Variants in GSK3B observed in about 807,000 individuals in gnomAD.
The protein encoded by GSK3B is glycogen synthase kinase-3 beta.
In GSK3B, 15 loss-of-function variants were observed where a neutral mutation model predicts 56.4. That is an observed-to-expected ratio of 0.27 (90% CI 0.18 to 0.41). The LOEUF (loss-of-function observed/expected upper bound fraction) is 0.41, where lower values mean the gene tolerates loss of function less well. Among genes scored for constraint, GSK3B ranks in the 10% least tolerant of loss-of-function variants. The pLI, the probability that GSK3B is intolerant of heterozygous loss-of-function variation, is 1.00. For missense variants in GSK3B, 300 were observed against 513.4 expected, an observed-to-expected ratio of 0.58 and a Z score of 4.02; for synonymous variants, 181 against 188.9, an observed-to-expected ratio of 0.96 and a Z score of 0.34.
At position 119,945,423 on chromosome 3, in the gene GSK3B, A is replaced by G. The variant is rs73854749; in HGVS notation, c.366+1845T>C. Among the ~76,000 whole-genome samples the G allele has an allele frequency of 6.4e-3, 976 of 152,264 alleles. 12 individuals are homozygous for G. The highest frequency in any genetic ancestry group is 0.02 in the African/African-American group (835 of 41,570). ...TGTTAATGACTTCTAATTGCTCTTTATCTGTAAGAACCTTTAAGATAAGTA... is the reference window on the plus strand; with the variant it reads ...TGTTAATGACTTCTAATTGCTCTTTGTCTGTAAGAACCTTTAAGATAAGTA... On this transcript the variant is annotated intron_variant, in intron 3 of 10. Coordinates refer to ENST00000264235, the MANE Select transcript of GSK3B (RefSeq NM_001146156.2).
chr3:119,929,849 T>A (rs2056925736), intron 3 of GSK3B, among the ~76,000 whole-genome samples: 1 of 149,744 alleles, frequency 6.7e-6, no homozygotes, highest in Admixed American at 6.7e-5. Context: ...TGCTCTGAGC[T>A]GAGATCACGC....
intron 1 of GSK3B, among the ~76,000 whole-genome samples, chr3:120,015,192 T>C (rs1240231144): frequency 6.6e-6 from 1 of 152,200 alleles, no homozygotes; most frequent in African/African-American, 2.4e-5. Context: ...CTCAATAAAT[T>C]ACAGTTTCTT....
intron 1 of GSK3B, among the ~76,000 whole-genome samples, chr3:120,055,843 A>T (rs2058187577): frequency 6.6e-6 from 1 of 152,198 alleles, no homozygotes; most frequent in Non-Finnish European, 1.5e-5. Context: ...TTTCCACTAG[A>T]ATTTATTCGG....
intron 8 of GSK3B, among the ~76,000 whole-genome samples, chr3:119,870,553 G>A (rs2056237917): frequency 6.6e-6 from 1 of 151,960 alleles, no homozygotes; most frequent in South Asian, 2.1e-4. Flanking sequence ...ATTTGGATTA[G>A]CCACCCTAAA....
Position 120,051,636 on chromosome 3 carries a change from G to A in GSK3B, c.88+41711C>T, listed in dbSNP as rs113004753. ...ACAAAAATTAGCCAGGTGTGGTGGTGGGCATCTGTAATCCCAGCTACTCAG... is the reference window on the plus strand; with the variant it reads ...ACAAAAATTAGCCAGGTGTGGTGGTAGGCATCTGTAATCCCAGCTACTCAG... On this transcript the variant is annotated intron_variant, in intron 1 of 10. Coordinates refer to ENST00000264235, the MANE Select transcript of GSK3B (RefSeq NM_001146156.2). Among the ~76,000 whole-genome samples, 686 of 151,966 alleles carry A rather than the reference G, an allele frequency of 4.5e-3. 7 individuals are homozygous for A. Among genetic ancestry groups the A allele is most frequent in the African/African-American group, 0.016 (662 of 41,446 alleles).
intron 1 of GSK3B, among the ~76,000 whole-genome samples, chr3:120,048,763 G>A (rs997101313): frequency 1.3e-5 from 2 of 152,178 alleles, no homozygotes; most frequent in African/African-American, 2.4e-5. Context: ...AACAGCTAAT[G>A]TCATTGGTAA....
chr3:119,953,943 T>C (rs2057184224), intron 2 of GSK3B, among the ~76,000 whole-genome samples: 2 of 152,264 alleles, frequency 1.3e-5, no homozygotes, highest in Middle Eastern at 3.4e-3. Context: ...ATTGATGTTA[T>C]ATAAAAGGAT....
chr3:119,910,938 C>A (rs1344660837), intron 6 of GSK3B, among the ~76,000 whole-genome samples: 1 of 152,186 alleles, frequency 6.6e-6, no homozygotes, highest in African/African-American at 2.4e-5. Flanking sequence ...TCAGTCACAT[C>A]TTCAGGCTCC....
Position 120,030,882 on chromosome 3 carries a change from A to G in GSK3B, c.89-28643T>C, listed in dbSNP as rs530559086. 2.0e-5 allele frequency among the ~76,000 whole-genome samples: 3 copies of G among 152,360 alleles called. No individual in the cohort carries two copies. The South Asian group carries it at 6.2e-4, about 32-fold the overall frequency. Reference sequence around the variant, plus strand: ...CTTCTGTATGAATCAAAAACCAGTGAACAAATGTACTTACAACCACATAGC... The same window carrying G: ...CTTCTGTATGAATCAAAAACCAGTGGACAAATGTACTTACAACCACATAGC... On this transcript the variant is annotated intron_variant, in intron 1 of 10. Transcript: ENST00000264235.
chr3:119,981,432 C>T (rs1207429395), intron 2 of GSK3B, among the ~76,000 whole-genome samples: 1 of 152,230 alleles, frequency 6.6e-6, no homozygotes, highest in East Asian at 1.9e-4. Flanking sequence ...CGGGGGTTTC[C>T]CTTTCCTAGC....
rs1056012842 is a variant in GSK3B, at chr3:120,015,669, A to C, written c.89-13430T>G. On this transcript the variant is annotated intron_variant, in intron 1 of 10. Transcript: ENST00000264235. The stretch of plus-strand genomic sequence containing the variant: ...TGTCTCAAAAAAAAAAAAAAAAAAA[A>C]AAAAAAAAAACTAGACATTATTGGA... Among the ~76,000 whole-genome samples the C allele has an allele frequency of 7.7e-4, 115 of 148,790 alleles. 2 individuals are homozygous for C. Among genetic ancestry groups the C allele is most frequent in the African/African-American group, 2.2e-3 (88 of 39,390 alleles).
intron 2 of GSK3B, among the ~76,000 whole-genome samples, chr3:119,971,650 C>G (rs1466596604): frequency 2.7e-5 from 3 of 109,938 alleles, no homozygotes; most frequent in South Asian, 6.1e-4. Flanking sequence ...CTCGCTCTGT[C>G]GCCCAGGCTG....
At chr3:119,839,444 C>T (rs1251482720) in intron 10 of GSK3B, among the ~76,000 whole-genome samples, 3 of 151,996 alleles carry the variant, frequency 2.0e-5, no homozygotes, top group African/African-American at 7.2e-5. Context: ...AAACTCCATT[C>T]TTGTTTAAGC....
intron 2 of GSK3B, among the ~76,000 whole-genome samples, chr3:119,954,048 C>T (rs2057185227): frequency 6.6e-6 from 1 of 152,026 alleles, no homozygotes. Flanking sequence ...AACCAACATA[C>T]TATAAGTGTT....
At chr3:119,948,801 C>T (rs1460009435) in intron 2 of GSK3B, among the ~76,000 whole-genome samples, 7 of 152,170 alleles carry the variant, frequency 4.6e-5, no homozygotes, top group East Asian at 1.9e-4. Context: ...TGGGTTCAAG[C>T]GATTCTCCTG....
At chr3:119,923,602 G>A (rs906809820) in intron 3 of GSK3B, 119 bp from the exon 4 acceptor site, 2 of 472,330 alleles carry the variant, frequency 4.2e-6, no homozygotes, top group African/African-American at 2.0e-5. Flanking sequence ...AGATTAATGT[G>A]TCACTTTTAA....
At chr3:120,002,527 C>T (rs965850069) in intron 1 of GSK3B, among the ~76,000 whole-genome samples, 5 of 151,972 alleles carry the variant, frequency 3.3e-5, no homozygotes, top group Non-Finnish European at 7.4e-5. Context: ...CTAGCAGAGA[C>T]GCGGTTTCAC....
chr3:119,899,190 G>A (rs916308946), intron 7 of GSK3B, among the ~76,000 whole-genome samples: 3 of 152,068 alleles, frequency 2.0e-5, no homozygotes, highest in South Asian at 4.1e-4. Context: ...GAGGATTCAC[G>A]TCCCAGGAGG....
At chr3:120,081,046 A>T (rs189128238) in intron 1 of GSK3B, among the ~76,000 whole-genome samples, 1 of 152,216 alleles carries the variant, frequency 6.6e-6, no homozygotes. Flanking sequence ...CAAATAAAAT[A>T]ATGTAAGGGG....
Sources: allele counts gnomAD v4.1 joint callset (sites outside exome capture counted in the v4.1 genomes callset), GRCh38; gene constraint gnomAD v4.1.1; transcripts MANE v1.5; gene names NCBI Gene and HGNC (gene_info 2026-07-23, HGNC 2026-07-21).